The following AVEN variants were observed in gnomAD, a reference collection of about 807,000 sequenced individuals.
AVEN encodes apoptosis and caspase activation inhibitor, also known as cell death regulator Aven.
AVEN carries 41 observed loss-of-function variants against 38.1 expected under a neutral mutation model. The ratio of observed to expected loss-of-function variants is 1.08; its 90% CI spans 0.84 to 1.40. AVEN has a LOEUF of 1.40. Among genes scored for constraint, AVEN ranks in the 40% most tolerant of loss-of-function variants. The probability of loss-of-function intolerance (pLI) is 0.00; values close to 1 mark genes in which losing one functional copy is unlikely to be tolerated. For missense variants in AVEN, 605 were observed against 438.8 expected (o/e 1.38, Z -3.38); for synonymous variants, 206 against 171.8 (o/e 1.20, Z -1.56).
intron 2 of AVEN, among the ~76,000 whole-genome samples, chr15:33,900,600 C>A (rs1597210848): frequency 6.8e-6 from 1 of 147,382 alleles, no homozygotes; most frequent in African/African-American, 2.5e-5. Context: ...AGCCACCATG[C>A]CTAGCCAATT....
chr15:34,032,308 C>T (rs1168862434), intron 1 of AVEN, among the ~76,000 whole-genome samples: 1 of 152,034 alleles, frequency 6.6e-6, no homozygotes, highest in Non-Finnish European at 1.5e-5. Flanking sequence ...AGGTCACTTG[C>T]CCAGTGCTGT....
upstream of AVEN, among the ~76,000 whole-genome samples, chr15:34,040,414 G>GT (rs1332119714): frequency 6.6e-6 from 1 of 152,192 alleles, no homozygotes; most frequent in African/African-American, 2.4e-5. Flanking sequence ...TGGGAGTAGG[G>GT]GCGCCTTCCA....
intron 3 of AVEN, among the ~76,000 whole-genome samples, chr15:33,872,381 C>A (rs1891006988): frequency 6.6e-6 from 1 of 152,182 alleles, no homozygotes; most frequent in East Asian, 1.9e-4. Context: ...AAAAAACATA[C>A]CCTTCAATCA....
intron 2 of AVEN, among the ~76,000 whole-genome samples, chr15:33,935,936 T>G (rs1385556607): frequency 1.3e-5 from 2 of 152,222 alleles, no homozygotes; most frequent in Non-Finnish European, 2.9e-5. Context: ...CATTTAGTTT[T>G]GTAATAGTGT....
At chr15:33,988,592 G>A (rs556767332) in intron 2 of AVEN, among the ~76,000 whole-genome samples, 4 of 152,292 alleles carry the variant, frequency 2.6e-5, no homozygotes, top group African/African-American at 9.6e-5. Context: ...ACCTGTGGTT[G>A]CAGGGTCACT....
At chr15:33,862,825 G>GAAACCCT (rs1888879579), downstream of AVEN, among the ~76,000 whole-genome samples, 3 of 152,052 alleles carry the variant, frequency 2.0e-5, no homozygotes, top group Non-Finnish European at 4.4e-5. Context: ...TGGCCAAGCT[G>GAAACCCT]GTCTCAAACT....
intron 2 of AVEN, among the ~76,000 whole-genome samples, chr15:33,954,767 C>T (rs1020421140): frequency 1.3e-5 from 2 of 152,110 alleles, no homozygotes; most frequent in Admixed American, 6.5e-5. Context: ...CAAATCTGTA[C>T]GTTGTGCACA....
chr15:34,038,404 G>A (rs1899256672), intron 1 of AVEN, among the ~76,000 whole-genome samples: 1 of 152,214 alleles, frequency 6.6e-6, no homozygotes, highest in Non-Finnish European at 1.5e-5. Flanking sequence ...CCACGTCGTG[G>A]CCGCGCCTCC....
intron 2 of AVEN, among the ~76,000 whole-genome samples, chr15:33,975,161 A>ACT (rs1200033940): frequency 6.6e-6 from 1 of 151,504 alleles, no homozygotes; most frequent in Non-Finnish European, 1.5e-5. Context: ...TCTCTTCTAC[A>ACT]CTCTCTCCTC....
chr15:33,930,146 T>C (rs1413529438), intron 2 of AVEN, among the ~76,000 whole-genome samples: 1 of 152,162 alleles, frequency 6.6e-6, no homozygotes, highest in Non-Finnish European at 1.5e-5. Flanking sequence ...AACAAATACC[T>C]TCCATCCCTT....
At chr15:33,890,845 C>CT (rs2153040384) in intron 2 of AVEN, among the ~76,000 whole-genome samples, 1 of 152,310 alleles carries the variant, frequency 6.6e-6, no homozygotes, top group East Asian at 1.9e-4. Context: ...AGCATGGTGG[C>CT]TCACAGCTGT....
intron 2 of AVEN, among the ~76,000 whole-genome samples, chr15:33,878,315 G>A (rs1009704085): frequency 6.6e-5 from 10 of 152,092 alleles, no homozygotes; most frequent in Admixed American, 6.6e-4. Context: ...ATAGCCACTG[G>A]TGAAAAACAT....
chr15:33,904,080 C>G (rs935608004), intron 2 of AVEN, among the ~76,000 whole-genome samples: 19 of 152,094 alleles, frequency 1.2e-4, no homozygotes, highest in Non-Finnish European at 2.5e-4. Context: ...CATGATTGAC[C>G]AAAACATCAT....
At chr15:33,865,342 A>AAAAAAAAAACTGCTGAAAATCTGTGCT, downstream of AVEN, 3 of 708,718 alleles carry the variant, frequency 4.2e-6, no homozygotes, top group South Asian at 6.0e-5. Context: ...GCCTCCCTTA[A>AAAAAAAAAACTGCTGAAAATCTGTGCT]AAAAAAAACT....
intron 1 of AVEN, among the ~76,000 whole-genome samples, chr15:34,030,496 C>A (rs954605191): frequency 2.0e-5 from 3 of 152,062 alleles, no homozygotes; most frequent in Admixed American, 2.0e-4. Flanking sequence ...CAGCTGCCTG[C>A]CACCTCGCCC....
intron 2 of AVEN, among the ~76,000 whole-genome samples, chr15:33,904,706 T>TACACACACAC (rs755723684): frequency 7.9e-5 from 8 of 101,368 alleles, no homozygotes; most frequent in East Asian, 5.2e-4. Context: ...TATATATATA[T>TACACACACAC]ATATATATAT....
chr15:34,002,235 G>A (rs1358663583), intron 2 of AVEN, among the ~76,000 whole-genome samples: 1 of 152,112 alleles, frequency 6.6e-6, no homozygotes, highest in East Asian at 1.9e-4. Context: ...GCGTAGGTTC[G>A]TGTATCTGCC....
At chr15:33,961,562 C>T (rs890355788) in intron 2 of AVEN, among the ~76,000 whole-genome samples, 17 of 151,924 alleles carry the variant, frequency 1.1e-4, no homozygotes, top group South Asian at 2.1e-4. Context: ...GCCTGTAATC[C>T]CAGCACTTTG....
At position 34,063,781 on chromosome 15, in the gene AVEN, A is replaced by G. The variant is rs138383914; in HGVS notation, n.1127-349T>C. The G allele has an allele frequency of 3.1e-6, 5 of 1,614,080 alleles. No homozygotes were observed. In the African/African-American group the frequency reaches 6.7e-5, roughly 22 times the overall value. ...GTGAAAGCTGAAACTGAAAAAAGTG[A>G]CTATGACACCCCAAACTACCTTCTG... On this transcript the variant is annotated intron_variant and non_coding_transcript_variant, in intron 4 of 11. Coordinates refer to the AVEN transcript ENST00000675287. The surrounding 1 kb of genome is among the most constrained non-coding windows in gnomAD (Gnocchi z 4.1).
Sources: allele counts gnomAD v4.1 joint callset (sites outside exome capture counted in the v4.1 genomes callset), GRCh38; gene constraint gnomAD v4.1.1; non-coding constraint Gnocchi (gnomAD v3.1); transcripts MANE v1.5; gene names NCBI Gene and HGNC (gene_info 2026-07-23, HGNC 2026-07-21).